Variants in USP34 observed in about 807,000 individuals in gnomAD.
The protein encoded by USP34 is ubiquitin specific peptidase 34.
Under a neutral mutation model 460.3 loss-of-function variants are expected in USP34, and 70 were observed. That is an observed-to-expected ratio of 0.15 (90% CI 0.13 to 0.19). The LOEUF (loss-of-function observed/expected upper bound fraction) is 0.19. USP34 is among the 10% of genes least tolerant of loss of function. The pLI is 1.00. For missense variants in USP34, 3,985 were observed against 4,236.2 expected (o/e 0.94, Z 1.65); for synonymous variants, 1,647 against 1,405.3 (o/e 1.17, Z -3.85).
intron 10 of USP34, among the ~76,000 whole-genome samples, chr2:61,353,302 C>G (rs866114948): frequency 6.6e-6 from 1 of 150,606 alleles, no homozygotes; most frequent in African/African-American, 2.4e-5. Flanking sequence ...TAGAGTTGTA[C>G]TTTTTTTTTG....
chr2:61,216,947 G>T, intron 67 of USP34, among the ~76,000 whole-genome samples: 1 of 150,566 alleles, frequency 6.6e-6, no homozygotes, highest in African/African-American at 2.4e-5. Flanking sequence ...AAGTCATTTG[G>T]TGTGAGTTAT....
intron 1 of USP34, among the ~76,000 whole-genome samples, chr2:61,446,821 G>T (rs1695133084): frequency 6.6e-6 from 1 of 150,546 alleles, no homozygotes; most frequent in Non-Finnish European, 1.5e-5. Flanking sequence ...AAATTCCACT[G>T]ATCTACTTTA....
chr2:61,334,677 G>A (rs1055194510), intron 18 of USP34, among the ~76,000 whole-genome samples: 1 of 152,160 alleles, frequency 6.6e-6, no homozygotes, highest in African/African-American at 2.4e-5. Flanking sequence ...AAAATGCAAT[G>A]TGGAAGCAAG....
chr2:61,359,825 C>T (rs1005529368), intron 10 of USP34, among the ~76,000 whole-genome samples: 35 of 145,480 alleles, frequency 2.4e-4, no homozygotes, highest in Admixed American at 2.1e-3. Flanking sequence ...CTCTGTCACC[C>T]AGCCTAAAGT....
chr2:61,313,233 C>T lies in USP34; in HGVS notation c.3543-1323G>A, dbSNP rs891530631. Among the ~76,000 whole-genome samples the T allele has an allele frequency of 3.3e-5, 5 of 151,806 alleles. No homozygotes were observed. In the Middle Eastern group the frequency reaches 0.01, roughly 312 times the overall value. ...AAATAAAAAGATATCAAGGACATAA[C>T]AATTTTTTTTTTCACAACAGAAAAA... On this transcript the variant is annotated intron_variant, in intron 25 of 79. Coordinates refer to ENST00000398571, the MANE Select transcript of USP34 (RefSeq NM_014709.4).
chr2:61,210,325 C>T (rs1346016690), intron 69 of USP34, among the ~76,000 whole-genome samples: 2 of 152,124 alleles, frequency 1.3e-5, no homozygotes, highest in Non-Finnish European at 2.9e-5. Context: ...TTTTACTGTA[C>T]CTTTTCTATG....
At chr2:61,225,228 CTT>C (rs1231228449) in intron 62 of USP34, among the ~76,000 whole-genome samples, 1 of 152,010 alleles carries the variant, frequency 6.6e-6, no homozygotes, top group Non-Finnish European at 1.5e-5. Flanking sequence ...ATATTTTTAT[CTT>C]TCTTTTGCTG....
chr2:61,236,338 G>A lies in USP34; in HGVS notation c.6829C>T (p.His2277Tyr). ...TACCAAACTTACCCAAAATATGTAT[G>A]TTCAAAAATGTTTTTGTCTTGAAGA... is the stretch of plus-strand genomic sequence containing the variant. ...QFLQDKNIFE[H>Y]TYFGFMWQLC... The change falls in exon 54 of 80, where the codon CAT becomes TAT. Residue 2277 changes from histidine to tyrosine, a missense_variant. By Grantham distance (83) the His-to-Tyr change is moderately conservative (BLOSUM62 2). Transcript: ENST00000398571. 1 of 1,603,604 alleles carries A rather than the reference G, an allele frequency of 6.2e-7. No individual in the cohort carries two copies. The highest frequency in any genetic ancestry group is 8.5e-7 in the Non-Finnish European group (1 of 1,176,142).
intron 41 of USP34, chr2:61,277,598 A>C (rs1689409227): frequency 1.3e-5 from 2 of 152,516 alleles, no homozygotes; most frequent in South Asian, 4.1e-4. Context: ...GTATTCTAAA[A>C]ACAAGCCCGT....
chr2:61,348,648 A>G (rs1181784494), intron 14 of USP34, 108 bp downstream of exon 14: 1 of 1,457,984 alleles, frequency 6.9e-7, no homozygotes, highest in Non-Finnish European at 9.1e-7. Flanking sequence ...TATTACGTAA[A>G]GGAGAGGACA....
chr2:61,345,669 C>T (rs1691745721), intron 15 of USP34, among the ~76,000 whole-genome samples: 1 of 152,230 alleles, frequency 6.6e-6, no homozygotes, highest in African/African-American at 2.4e-5. Context: ...GAGTCTCATT[C>T]TATTGCCCAG....
At chr2:61,266,297 C>G in intron 41 of USP34, 130 bp from the exon 42 acceptor site, 1 of 803,158 alleles carries the variant, frequency 1.2e-6, no homozygotes, top group East Asian at 2.7e-5. Flanking sequence ...GATATACCAT[C>G]ATCTGAAAGT....
chr2:61,461,836 A>T (rs1695609762), intron 1 of USP34, among the ~76,000 whole-genome samples: 1 of 152,212 alleles, frequency 6.6e-6, no homozygotes, highest in Non-Finnish European at 1.5e-5. Context: ...AGAACCAGGG[A>T]TGTAGATAAA....
intron 18 of USP34, among the ~76,000 whole-genome samples, chr2:61,337,331 TGTTCACTGTTC>T (rs1272874910): frequency 6.6e-6 from 1 of 152,260 alleles, no homozygotes; most frequent in Non-Finnish European, 1.5e-5. Context: ...TCCATGTAGT[TGTTCACTGTTC>T]ATTCAATGTT....
chr2:61,405,655 T>C, intron 3 of USP34, 53 bp downstream of exon 3: 2 of 1,438,252 alleles, frequency 1.4e-6, no homozygotes, highest in South Asian at 1.5e-5. Flanking sequence ...AGAAACAGAC[T>C]GCGAAGTTAA....
At chr2:61,355,472 G>A (rs1204137170) in intron 10 of USP34, among the ~76,000 whole-genome samples, 1 of 152,184 alleles carries the variant, frequency 6.6e-6, no homozygotes, top group Non-Finnish European at 1.5e-5. Flanking sequence ...GGAGTCATTA[G>A]GAGCAGAGTT....
intron 1 of USP34, among the ~76,000 whole-genome samples, chr2:61,466,436 T>C (rs1262464932): frequency 6.6e-6 from 1 of 151,840 alleles, no homozygotes; most frequent in African/African-American, 2.4e-5. Flanking sequence ...AAAAAAACAA[T>C]AATATATGAT....
At chr2:61,399,469 G>C (rs557522010) in intron 3 of USP34, among the ~76,000 whole-genome samples, 3 of 151,964 alleles carry the variant, frequency 2.0e-5, no homozygotes, top group African/African-American at 7.2e-5. Context: ...CATAAAGCTA[G>C]CATCCTAAAA....
intron 1 of USP34, among the ~76,000 whole-genome samples, chr2:61,466,624 T>C (rs1487351505): frequency 2.6e-5 from 4 of 151,962 alleles, no homozygotes; most frequent in Non-Finnish European, 5.9e-5. Context: ...TTAAACAAAA[T>C]TTTTAGGCCA....
Sources: gnomAD v4.1 joint callset for allele counts (sites outside exome capture counted in the v4.1 genomes callset) on GRCh38, gnomAD v4.1.1 for gene constraint, MANE v1.5 for transcripts, NCBI Gene and HGNC (gene_info 2026-07-23, HGNC 2026-07-21) for gene names.